Variants in CDH7 observed in about 807,000 individuals in gnomAD.
CDH7 encodes cadherin 7.
A neutral mutation model predicts 71.8 loss-of-function variants in CDH7; 25 were observed. The ratio of observed to expected loss-of-function variants is 0.35; its 90% confidence interval spans 0.25 to 0.49. The LOEUF is 0.49. Ranked by LOEUF, CDH7 falls within the 20% of genes least tolerant of loss-of-function variation. The pLI, the probability that CDH7 is intolerant of heterozygous loss-of-function variation, is 0.99. For synonymous variants in CDH7, 381 were observed against 363.8 expected, an observed-to-expected ratio of 1.05 and a Z score of -0.54; for missense variants, 862 against 974.6, an observed-to-expected ratio of 0.88 and a Z score of 1.54.
At position 65,809,698 on chromosome 18, in the gene CDH7, C is replaced by T; in HGVS notation, c.211-6C>T. 2.5e-6 allele frequency: 4 copies of T among 1,606,272 alleles called. No individual in the cohort carries two copies. The highest frequency in any genetic ancestry group is 3.4e-6 in the Non-Finnish European group (4 of 1,174,322). ...TTAATCTCATCTCACATGAATTTTT[C>T]ACCAGCTTCACTCTGATGTTGATAA... On this transcript the variant is annotated splice_polypyrimidine_tract_variant and splice_region_variant and intron_variant, in intron 2 of 11. Coordinates refer to ENST00000397968, the MANE Select transcript of CDH7 (RefSeq NM_004361.5).
chr18:65,813,689 A>G (rs925146177), intron 3 of CDH7, among the ~76,000 whole-genome samples: 28 of 152,120 alleles, frequency 1.8e-4, no homozygotes, highest in African/African-American at 6.8e-4. Flanking sequence ...AACTAAGTAA[A>G]CATGAGTCTC....
chr18:65,750,499 T>A (rs1364033658), upstream of CDH7: 1 of 152,190 alleles, frequency 6.6e-6, no homozygotes, highest in Admixed American at 6.5e-5. Flanking sequence ...CTTTCACCCC[T>A]CTTCTTTATT....
intron 7 of CDH7, among the ~76,000 whole-genome samples, chr18:65,846,101 A>G (rs1053633015): frequency 6.6e-6 from 1 of 152,110 alleles, no homozygotes; most frequent in African/African-American, 2.4e-5. Flanking sequence ...TTTCATTGGA[A>G]AAAAGTCAAT....
At chr18:65,847,687 G>T (rs1037845301) in intron 7 of CDH7, among the ~76,000 whole-genome samples, 42 of 151,966 alleles carry the variant, frequency 2.8e-4, no homozygotes, top group African/African-American at 1.0e-3. Flanking sequence ...ATTGGAACCT[G>T]GTCATTCTTG....
At chr18:65,876,594 C>T (rs1914080338) in intron 11 of CDH7, among the ~76,000 whole-genome samples, 1 of 152,112 alleles carries the variant, frequency 6.6e-6, no homozygotes, top group Non-Finnish European at 1.5e-5. Context: ...TCCCTACCCT[C>T]AGCCTCCAGT....
intron 11 of CDH7, chr18:65,863,771 T>C (rs1913664247): frequency 6.6e-6 from 1 of 152,224 alleles, no homozygotes; most frequent in Non-Finnish European, 1.5e-5. Context: ...TATTACTCGG[T>C]TAAATTAAAT....
chr18:65,768,545 G>A (rs1916447652), intron 2 of CDH7, among the ~76,000 whole-genome samples: 1 of 152,110 alleles, frequency 6.6e-6, no homozygotes, highest in African/African-American at 2.4e-5. Flanking sequence ...TGAGGTTTTA[G>A]GTGCAAAGGA....
At chr18:65,837,135 C>A (rs1051675567) in intron 6 of CDH7, among the ~76,000 whole-genome samples, 2 of 152,142 alleles carry the variant, frequency 1.3e-5, no homozygotes, top group African/African-American at 2.4e-5. Flanking sequence ...TGCTAAAATT[C>A]ATGAGTCACA....
chr18:65,839,042 AG>A (rs771510671), intron 6 of CDH7, among the ~76,000 whole-genome samples: 1 of 152,150 alleles, frequency 6.6e-6, no homozygotes, highest in Non-Finnish European at 1.5e-5. Context: ...AAACCTCATG[AG>A]GTTGATGAGG....
At chr18:65,813,594 C>T (rs533539922) in intron 3 of CDH7, among the ~76,000 whole-genome samples, 2 of 151,938 alleles carry the variant, frequency 1.3e-5, no homozygotes, top group African/African-American at 4.8e-5. Flanking sequence ...AAACTAGGAC[C>T]TTAAATAACA....
chr18:65,839,378 G>A (rs1912646934), intron 6 of CDH7, among the ~76,000 whole-genome samples: 1 of 152,074 alleles, frequency 6.6e-6, no homozygotes, highest in Non-Finnish European at 1.5e-5. Context: ...TGGCAGAAGG[G>A]GTGAGGGAGC....
At chr18:65,781,780 T>TTTCTTTCTTTCTTTCTTTCTTTCTTTCTA (rs1568181302) in intron 2 of CDH7, among the ~76,000 whole-genome samples, 1 of 59,124 alleles carries the variant, frequency 1.7e-5, no homozygotes, top group Admixed American at 1.5e-4. Context: ...CCTTCCTTCC[T>TTTCTTTCTTTCTTTCTTTCTTTCTTTCTA]TCCTTCCTTC....
chr18:65,789,967 C>A (rs1331792146), intron 2 of CDH7, among the ~76,000 whole-genome samples: 1 of 151,192 alleles, frequency 6.6e-6, no homozygotes, highest in Non-Finnish European at 1.5e-5. Flanking sequence ...CGGTGGCTCA[C>A]ACCTGTAATC....
chr18:65,781,844 T>TC (rs1910233851), intron 2 of CDH7, among the ~76,000 whole-genome samples: 1 of 98,358 alleles, frequency 1.0e-5, no homozygotes, highest in African/African-American at 6.7e-5. Context: ...CTTTCTTTCT[T>TC]TCTTTCTTTC....
intron 3 of CDH7, among the ~76,000 whole-genome samples, chr18:65,811,310 C>A (rs185445325): frequency 1.3e-5 from 2 of 152,084 alleles, no homozygotes; most frequent in East Asian, 3.9e-4. Context: ...GTTTAGTGAA[C>A]CTAAATTTCT....
chr18:65,835,336 G>GA (rs1912496281), intron 6 of CDH7, among the ~76,000 whole-genome samples: 1 of 152,146 alleles, frequency 6.6e-6, no homozygotes, highest in Non-Finnish European at 1.5e-5. Flanking sequence ...GGGAAAGTGG[G>GA]AAAAATATGT....
At chr18:65,798,825 C>T (rs1010772641) in intron 2 of CDH7, among the ~76,000 whole-genome samples, 3 of 152,084 alleles carry the variant, frequency 2.0e-5, no homozygotes, top group Non-Finnish European at 4.4e-5. Context: ...TTTGGAAAGG[C>T]CTTAGCTGAG....
intron 2 of CDH7, among the ~76,000 whole-genome samples, chr18:65,765,023 A>G (rs1421680312): frequency 2.6e-5 from 4 of 152,066 alleles, no homozygotes; most frequent in African/African-American, 9.7e-5. Flanking sequence ...GGTAACAAGA[A>G]ATATTATGTA....
At chr18:65,831,678 A>C (rs1023915300) in intron 6 of CDH7, among the ~76,000 whole-genome samples, 2 of 152,108 alleles carry the variant, frequency 1.3e-5, no homozygotes, top group African/African-American at 4.8e-5. Context: ...CAGCAACAGG[A>C]ATCTGCAGAA....
Sources: gnomAD v4.1 joint callset for allele counts (sites outside exome capture counted in the v4.1 genomes callset) on GRCh38, gnomAD v4.1.1 for gene constraint, MANE v1.5 for transcripts, NCBI Gene and HGNC (gene_info 2026-07-23, HGNC 2026-07-21) for gene names.